The following PDGFRB variants were observed in gnomAD, a reference collection of about 807,000 sequenced individuals.
The protein encoded by PDGFRB is platelet-derived growth factor receptor beta.
A neutral mutation model predicts 120.2 loss-of-function variants in PDGFRB; 42 were observed. The observed-to-expected ratio is 0.35, with a 90% CI of 0.27 to 0.45. The LOEUF (loss-of-function observed/expected upper bound fraction) is 0.45. Among genes scored for constraint, PDGFRB ranks in the 20% least tolerant of loss-of-function variants. PDGFRB has a pLI of 1.00. For missense variants in PDGFRB, 1,149 were observed against 1,476.3 expected (o/e 0.78, Z 3.63); for synonymous variants, 586 against 606.8 (o/e 0.97, Z 0.50).
intron 14 of PDGFRB, 33 bp downstream of exon 14, chr5:150,124,217 T>C: frequency 2.7e-6 from 4 of 1,479,776 alleles, no homozygotes; most frequent in Non-Finnish European, 3.8e-6. Context: ...GTGGGCACTT[T>C]CCCTGAGGCC....
intron 2 of PDGFRB, 99 bp downstream of exon 2, chr5:150,136,909 G>A: frequency 1.1e-6 from 1 of 897,394 alleles, no homozygotes; most frequent in Non-Finnish European, 1.8e-6. Flanking sequence ...AGTGTGCCTG[G>A]TGCTTCACGC....
chr5:150,115,112 G>A lies in PDGFRB; in HGVS notation c.*651C>T. On this transcript the variant is annotated 3_prime_UTR_variant, in exon 23 of 23. Transcript: ENST00000261799. Reference sequence around the variant, plus strand: ...GCCCTGGGCAAGGGCTGCAGGCTGGGGGTGTCCTGTACTTGGCTCAGCCTC... The same window carrying A: ...GCCCTGGGCAAGGGCTGCAGGCTGGAGGTGTCCTGTACTTGGCTCAGCCTC... The A allele has an allele frequency of 4.3e-6, 1 of 233,258 alleles. No individual in the cohort carries two copies. Among genetic ancestry groups the A allele is most frequent in the Non-Finnish European group, 8.5e-6 (1 of 118,054 alleles). The allele number at this position is 233,258 out of a possible 1,614,324, so 14.4% of individuals were successfully genotyped here. A position where few individuals can be genotyped will look rare whatever the true frequency, so the allele number is the denominator to read the frequency against.
intron 1 of PDGFRB, among the ~76,000 whole-genome samples, chr5:150,139,759 A>G (rs1760730422): frequency 6.6e-6 from 1 of 152,132 alleles, no homozygotes; most frequent in Non-Finnish European, 1.5e-5. Flanking sequence ...AGCCAGGCGG[A>G]TCACGAGGTT....
At chr5:150,117,546 A>ATG (rs1759992343) in intron 22 of PDGFRB, 72 bp downstream of exon 22, 10 of 419,152 alleles carry the variant, frequency 2.4e-5, no homozygotes, top group East Asian at 1.6e-4. Context: ...GCGCGCGCGC[A>ATG]CACACACACA....
At chr5:150,152,754 T>C (rs1761111705) in intron 1 of PDGFRB, among the ~76,000 whole-genome samples, 1 of 152,162 alleles carries the variant, frequency 6.6e-6, no homozygotes, top group Non-Finnish European at 1.5e-5. Flanking sequence ...CTTTTGCAGG[T>C]TGCAGATTAA....
At position 150,126,555 on chromosome 5, in the gene PDGFRB, T is replaced by C. The variant is rs753022858; in HGVS notation, c.1639A>G (p.Ile547Val). The change falls in exon 11 of 23, where the codon ATC becomes GTC. Residue 547 changes from isoleucine to valine, a missense_variant. Physicochemically the swap from Ile to Val is conservative, Grantham distance 29. This residue lies in a region of PDGFRB where 879 missense variants were observed against 1,108.6 expected (regional missense o/e 0.79). Coordinates refer to ENST00000261799, the MANE Select transcript of PDGFRB (RefSeq NM_002609.4). ...AGCATGATGAGGATGATAAGGGAGA[T>C]GATGGTGAGCACCACCAGGGCCAGG... ...AILALVVLTIISLIILIMLWQ... is the reference protein window; with the variant it reads ...AILALVVLTIVSLIILIMLWQ... 4 of 1,609,056 alleles carry C rather than the reference T, an allele frequency of 2.5e-6. No homozygotes were observed. The highest frequency in any genetic ancestry group is 1.7e-5 in the Admixed American group (1 of 59,998).
intron 12 of PDGFRB, 84 bp downstream of exon 12, chr5:150,125,361 T>A (rs2113896762): frequency 7.9e-7 from 1 of 1,260,412 alleles, no homozygotes; most frequent in East Asian, 2.5e-5. Flanking sequence ...TAGCTAGTCA[T>A]GGCAAGGCTG....
Position 150,115,961 on chromosome 5 carries a change from C to T in PDGFRB, c.3138-15G>A, listed in dbSNP as rs1759917431. On this transcript the variant is annotated splice_polypyrimidine_tract_variant and intron_variant, in intron 22 of 22. Transcript: ENST00000261799. Reference sequence around the variant, plus strand: ...TCAGGGTGGAGCTAGAGGAAAGAGGCAGTGAGTGAGGGGCTAGGAAGGAGC... The same window carrying T: ...TCAGGGTGGAGCTAGAGGAAAGAGGTAGTGAGTGAGGGGCTAGGAAGGAGC... 2 of 1,552,366 alleles carry T rather than the reference C, an allele frequency of 1.3e-6. No individual in the cohort carries two copies. Among genetic ancestry groups the T allele is most frequent in the East Asian group, 4.9e-5 (2 of 41,228 alleles).
At position 150,120,212 on chromosome 5, in the gene PDGFRB, C is replaced by G. The variant is rs889754225; in HGVS notation, c.2587-89G>C. 1.7e-5 allele frequency: 12 copies of G among 721,368 alleles called. No homozygotes were observed. In the African/African-American group the frequency reaches 1.9e-4, roughly 11 times the overall value. The allele number at this position is 721,368 out of a possible 1,614,324, so 44.7% of individuals were successfully genotyped here. A position where few individuals can be genotyped will look rare whatever the true frequency, so the allele number is the denominator to read the frequency against. On this transcript the variant is annotated intron_variant, in intron 18 of 22. Transcript: ENST00000261799. The surrounding 1 kb of genome is among the most constrained non-coding windows in gnomAD (Gnocchi z 4.3). ...GATGGGAGGAGGGTATCTGGCAGCT[C>G]CCACCCACAACCACTTCTCCGTCCC...
rs1197406325 is a variant in PDGFRB, at chr5:150,120,964, C to T, written c.2510G>A (p.Gly837Asp). 2 of 1,613,700 alleles carry T rather than the reference C, an allele frequency of 1.2e-6. No individual in the cohort carries two copies. Among genetic ancestry groups the T allele is most frequent in the Non-Finnish European group, 1.7e-6 (2 of 1,179,770 alleles). The change falls in exon 18 of 23, where the codon GGC becomes GAC. Residue 837 changes from glycine to aspartate, a missense_variant. By Grantham distance (94) the Gly-to-Asp change is moderately conservative. Around this residue, in one of 3 missense-constraint regions of PDGFRB, gnomAD observed 68 missense variants for 153.3 expected, o/e 0.44. Coordinates refer to ENST00000261799, the MANE Select transcript of PDGFRB (RefSeq NM_002609.4). This position sits in a 1 kb window ranked among gnomAD's most constrained non-coding sequence, Gnocchi z 4.3. ...AAAGTCACAGATCTTGACCAGCTTGCCTTCACAGATGAGCACGTTCCTAGC... is the reference window on the plus strand; with the variant it reads ...AAAGTCACAGATCTTGACCAGCTTGTCTTCACAGATGAGCACGTTCCTAGC... ...LAARNVLICE[G>D]KLVKICDFGL... is the part of the protein sequence containing the mutation.
In PDGFRB at chr5:150,120,916, C is replaced by A; in HGVS notation, c.2558G>T (p.Arg853Leu). 6.2e-7 allele frequency: 1 copy of A among 1,613,936 alleles called. No individual in the cohort carries two copies. The highest frequency in any genetic ancestry group is 8.5e-7 in the Non-Finnish European group (1 of 1,179,870). Residue 853 changes from arginine (R) to leucine (L), a missense_variant, in exon 18 of 23, where the codon CGG becomes CTG. Physicochemically the swap from Arg to Leu is moderately radical, Grantham distance 102. Transcript: ENST00000261799. This position sits in a 1 kb window ranked among gnomAD's most constrained non-coding sequence, Gnocchi z 4.3. ...GCCTTTGGAGATGTAATTCGAGTCC[C>A]GCATGATGTCTCGAGCCAGGCCAAA... ...CDFGLARDIMRDSNYISKGST... is the reference protein window; with the variant it reads ...CDFGLARDIMLDSNYISKGST...
rs1248712784 is a variant in PDGFRB, at chr5:150,115,925, G to A, written c.3159C>T (p.Asn1053=). 2 of 1,583,690 alleles carry A rather than the reference G, an allele frequency of 1.3e-6. No individual in the cohort carries two copies. The highest frequency in any genetic ancestry group is 2.3e-5 in the East Asian group (1 of 43,616). The part of the protein sequence containing the change: ...SLASSTLNEV[N]TSSTISCDSP... ...TGTCACAGGAGATGGTTGAGGAGGTGTTGACTTCATTCAGGGTGGAGCTAG... is the reference window on the plus strand; with the variant it reads ...TGTCACAGGAGATGGTTGAGGAGGTATTGACTTCATTCAGGGTGGAGCTAG... The change falls in exon 23 of 23, where the codon AAC becomes AAT. Residue 1053 remains asparagine, a synonymous_variant. Coordinates refer to ENST00000261799, the MANE Select transcript of PDGFRB (RefSeq NM_002609.4).
chr5:150,122,540 G>A (rs933799571), intron 15 of PDGFRB, among the ~76,000 whole-genome samples: 2 of 152,266 alleles, frequency 1.3e-5, no homozygotes, highest in African/African-American at 4.8e-5. Context: ...GAGGACATGA[G>A]TGGGTTTTAA....
At position 150,143,589 on chromosome 5, in the gene PDGFRB, A is replaced by T. The variant is rs377533648; in HGVS notation, c.-6-6536T>A. On this transcript the variant is annotated intron_variant, in intron 1 of 22. Coordinates refer to ENST00000261799, the MANE Select transcript of PDGFRB (RefSeq NM_002609.4). ...CTCCCGCCAGCAGCTAAAGAGTAGG[A>T]AAGGGATAGCAGCACAGCCTGGGCC... 3.9e-5 allele frequency among the ~76,000 whole-genome samples: 6 copies of T among 152,302 alleles called. No homozygotes were observed. In the East Asian group the frequency reaches 1.2e-3, roughly 29 times the overall value.
At chr5:150,149,778 C>T (rs1020546111) in intron 1 of PDGFRB, among the ~76,000 whole-genome samples, 18 of 152,120 alleles carry the variant, frequency 1.2e-4, no homozygotes, top group Non-Finnish European at 2.2e-4. Context: ...AACTGGAAAC[C>T]CTGCCCCACC....
intron 15 of PDGFRB, 158 bp from the exon 16 acceptor site, chr5:150,122,198 C>T: frequency 1.6e-6 from 1 of 619,498 alleles, no homozygotes; most frequent in Non-Finnish European, 2.8e-6. Context: ...ACTTTTCAAC[C>T]AACCTGCTGG....
Position 150,125,225 on chromosome 5 carries a change from C to T in PDGFRB, c.1807+220G>A, listed in dbSNP as rs368088584. Among the ~76,000 whole-genome samples, 31 of 152,258 alleles carry T rather than the reference C, an allele frequency of 2.0e-4. 2 individuals carry two copies. In the South Asian group the frequency reaches 5.4e-3, roughly 26 times the overall value. On this transcript the variant is annotated intron_variant, in intron 12 of 22. Transcript: ENST00000261799. ...TTCCACTTTTGCCACATAGGGATCC[C>T]GTCTCACAGGGTCACAGGATCATAG...
intron 1 of PDGFRB, among the ~76,000 whole-genome samples, chr5:150,148,273 G>C (rs867118473): frequency 1.3e-5 from 2 of 152,298 alleles, no homozygotes; most frequent in South Asian, 2.1e-4. Context: ...CAACGATCTG[G>C]ACTCTCTTCA....
intron 1 of PDGFRB, among the ~76,000 whole-genome samples, chr5:150,142,154 G>A (rs903794986): frequency 5.3e-5 from 8 of 152,232 alleles, no homozygotes; most frequent in Non-Finnish European, 8.8e-5. Context: ...CATTGTGCTC[G>A]TGGGGAAACT....
Sources: gnomAD v4.1 joint callset for allele counts (sites outside exome capture counted in the v4.1 genomes callset) on GRCh38, gnomAD v4.1.1 for gene constraint, gnomAD v4.1.1 regional missense constraint, Gnocchi (gnomAD v3.1) non-coding constraint, MANE v1.5 for transcripts, NCBI Gene and HGNC (gene_info 2026-07-23, HGNC 2026-07-21) for gene names.